The following CACNA2D3 variants were observed in gnomAD, a reference collection of about 807,000 sequenced individuals.
CACNA2D3 encodes calcium voltage-gated channel auxiliary subunit alpha2delta 3.
In CACNA2D3, 60 loss-of-function variants were observed where a neutral mutation model predicts 160.6. The observed-to-expected ratio is 0.37, with a 90% CI of 0.30 to 0.46. CACNA2D3 has a LOEUF of 0.46. CACNA2D3 is among the 20% of genes least tolerant of loss of function. The pLI, the probability that CACNA2D3 is intolerant of heterozygous loss-of-function variation, is 1.00. For missense variants in CACNA2D3, 1,205 were observed against 1,365.0 expected, an observed-to-expected ratio of 0.88 and a Z score of 1.85; for synonymous variants, 558 against 492.9, an observed-to-expected ratio of 1.13 and a Z score of -1.75.
intron 5 of CACNA2D3, among the ~76,000 whole-genome samples, chr3:54,543,394 A>T (rs1393263506): frequency 6.6e-6 from 1 of 152,194 alleles, no homozygotes; most frequent in African/African-American, 2.4e-5. Flanking sequence ...CTTTCTGATC[A>T]TTTGATTTTT....
intron 5 of CACNA2D3, among the ~76,000 whole-genome samples, chr3:54,525,866 T>G (rs374050722): frequency 7.5e-4 from 114 of 152,186 alleles, no homozygotes; most frequent in African/African-American, 2.7e-3. Context: ...GATGTGCAGG[T>G]TATTATTTTT....
intron 5 of CACNA2D3, among the ~76,000 whole-genome samples, chr3:54,510,827 C>T (rs1052471379): frequency 6.6e-6 from 1 of 152,166 alleles, no homozygotes; most frequent in African/African-American, 2.4e-5. Context: ...ACCTGGCACA[C>T]GGAGGAATTT....
chr3:54,530,070 A>G (rs376742539), intron 5 of CACNA2D3, among the ~76,000 whole-genome samples: 112 of 152,324 alleles, frequency 7.4e-4, no homozygotes, highest in African/African-American at 2.7e-3. Context: ...GACAGTGCCC[A>G]GGTCAAAGTC....
intron 27 of CACNA2D3, among the ~76,000 whole-genome samples, chr3:54,927,576 G>T (rs999494316): frequency 6.6e-6 from 1 of 152,104 alleles, no homozygotes; most frequent in African/African-American, 2.4e-5. Flanking sequence ...TGAGATTGTA[G>T]CCAATTTGTT....
chr3:54,819,501 G>C (rs1016130552), intron 14 of CACNA2D3, among the ~76,000 whole-genome samples: 2 of 152,108 alleles, frequency 1.3e-5, no homozygotes, highest in African/African-American at 4.8e-5. Flanking sequence ...GAATAACTGG[G>C]AGAGGGCAAA....
At chr3:54,516,267 C>A (rs1357594872) in intron 5 of CACNA2D3, among the ~76,000 whole-genome samples, 1 of 152,188 alleles carries the variant, frequency 6.6e-6, no homozygotes, top group Non-Finnish European at 1.5e-5. Flanking sequence ...GACTTGATGA[C>A]CTTTCTTATT....
At chr3:54,774,629 A>ATTTTTT (rs111655457) in intron 13 of CACNA2D3, among the ~76,000 whole-genome samples, 35 of 107,888 alleles carry the variant, frequency 3.2e-4, no homozygotes, top group African/African-American at 8.7e-4. Flanking sequence ...CTCTTTGACT[A>ATTTTTT]TTTTTTTTTT....
intron 8 of CACNA2D3, 92 bp from the exon 9 acceptor site, chr3:54,581,711 T>G (rs1012064730): frequency 3.9e-6 from 4 of 1,014,878 alleles, no homozygotes; most frequent in Non-Finnish European, 6.0e-6. Flanking sequence ...ATTGTGCCGC[T>G]TTTTTGTTTG....
At chr3:54,242,307 G>T (rs868834241) in intron 2 of CACNA2D3, among the ~76,000 whole-genome samples, 214 of 152,198 alleles carry the variant, frequency 1.4e-3, no homozygotes, top group African/African-American at 5.0e-3. Flanking sequence ...GCCAGGCATG[G>T]TGGTGGACGT....
chr3:54,123,313 T>C lies in CACNA2D3; in HGVS notation c.123-200T>C. ...CGCATTCTTAACTCCGCGACCCCCC[T>C]CGGGCCCCCTCCCGCGCTGCGCTTT... is the stretch of plus-strand genomic sequence containing the variant. On this transcript the variant is annotated intron_variant, in intron 1 of 37. Coordinates refer to ENST00000474759, the MANE Select transcript of CACNA2D3 (RefSeq NM_018398.3). 4 of 564,574 alleles carry C rather than the reference T, an allele frequency of 7.1e-6. No homozygotes were observed. In the South Asian group the frequency reaches 9.0e-5, roughly 13 times the overall value. The allele number at this position is 564,574 out of a possible 1,614,324, so 35.0% of individuals were successfully genotyped here. A position where few individuals can be genotyped will look rare whatever the true frequency, so the allele number is the denominator to read the frequency against.
chr3:54,671,041 G>C (rs912595072), intron 11 of CACNA2D3, among the ~76,000 whole-genome samples: 1 of 152,008 alleles, frequency 6.6e-6, no homozygotes, highest in African/African-American at 2.4e-5. Context: ...TCTAGTGGAG[G>C]TTTACCAGTT....
At chr3:54,958,206 T>C (rs1201142878) in intron 27 of CACNA2D3, among the ~76,000 whole-genome samples, 8 of 152,204 alleles carry the variant, frequency 5.3e-5, no homozygotes, top group Admixed American at 5.2e-4. Context: ...GAAGCAGGTT[T>C]AACTGCTGAC....
intron 2 of CACNA2D3, among the ~76,000 whole-genome samples, chr3:54,319,157 G>GACACACAC (rs58790730): frequency 0.015 from 2,152 of 138,938 alleles, 17 homozygotes; most frequent in Admixed American, 0.023. Context: ...AGCATTTTGT[G>GACACACAC]ACACACACAC....
Position 55,021,643 on chromosome 3 carries a change from A to ATG in CACNA2D3, c.2987+3330_2987+3331dup, listed in dbSNP as rs1491055413. Among the ~76,000 whole-genome samples, 59 of 122,644 alleles carry ATG rather than the reference A, an allele frequency of 4.8e-4. 1 individual carries two copies. The highest frequency in any genetic ancestry group is 1.6e-3 in the African/African-American group (53 of 32,516). 80.5% of individuals were successfully genotyped at this position (122,644 alleles called of 152,430 possible). On this transcript the variant is annotated intron_variant, in intron 35 of 37. Coordinates refer to ENST00000474759, the MANE Select transcript of CACNA2D3 (RefSeq NM_018398.3). The stretch of plus-strand genomic sequence containing the variant: ...TGTGTGTGTATATATATATATATAT[A>ATG]TGTGTATATATATATGTGTGTGTAT...
At chr3:54,976,922 A>G (rs1462952497) in intron 29 of CACNA2D3, among the ~76,000 whole-genome samples, 2 of 152,236 alleles carry the variant, frequency 1.3e-5, no homozygotes, top group Non-Finnish European at 2.9e-5. Flanking sequence ...TTCTAAGAAG[A>G]AAGGTCAGAA....
At chr3:54,461,591 T>C (rs2106843646) in intron 4 of CACNA2D3, among the ~76,000 whole-genome samples, 1 of 151,956 alleles carries the variant, frequency 6.6e-6, no homozygotes, top group South Asian at 2.1e-4. Flanking sequence ...TCTCTCATGA[T>C]AGTTTGTATT....
chr3:54,310,055 G>A (rs148176405), intron 2 of CACNA2D3, among the ~76,000 whole-genome samples: 69 of 151,976 alleles, frequency 4.5e-4, no homozygotes, highest in Middle Eastern at 6.8e-3. Context: ...CTCAAGGATT[G>A]TCCTCAAACT....
At chr3:54,704,600 G>C (rs922263724) in intron 11 of CACNA2D3, among the ~76,000 whole-genome samples, 17 of 152,054 alleles carry the variant, frequency 1.1e-4, no homozygotes, top group Non-Finnish European at 2.1e-4. Context: ...CAGTCTTCCT[G>C]ATCACTCAGA....
At chr3:54,374,283 C>A (rs1006585140) in intron 3 of CACNA2D3, among the ~76,000 whole-genome samples, 4 of 152,162 alleles carry the variant, frequency 2.6e-5, no homozygotes, top group Admixed American at 1.3e-4. Context: ...ACCAAAGATA[C>A]CTGCCATCTG....
Sources: gnomAD v4.1 joint callset for allele counts (sites outside exome capture counted in the v4.1 genomes callset) on GRCh38, gnomAD v4.1.1 for gene constraint, MANE v1.5 for transcripts, NCBI Gene and HGNC (gene_info 2026-07-23, HGNC 2026-07-21) for gene names.